The following UBE3B variants were observed in gnomAD, a reference collection of about 807,000 sequenced individuals.
UBE3B encodes the protein ubiquitin-protein ligase E3B.
UBE3B carries 80 observed loss-of-function variants against 132.3 expected under a neutral mutation model. The ratio of observed to expected loss-of-function variants is 0.60; its 90% CI spans 0.50 to 0.73. The LOEUF (loss-of-function observed/expected upper bound fraction) is 0.73, where lower values mean the gene tolerates loss of function less well. UBE3B is among the 30% of genes least tolerant of loss of function. The pLI is 0.00. For synonymous variants in UBE3B, 487 were observed against 520.4 expected, an observed-to-expected ratio of 0.94 and a Z score of 0.87; for missense variants, 1,196 against 1,362.5, an observed-to-expected ratio of 0.88 and a Z score of 1.92.
chr12:109,528,975 C>T (rs1168317975), intron 24 of UBE3B, among the ~76,000 whole-genome samples: 1 of 152,068 alleles, frequency 6.6e-6, no homozygotes, highest in Non-Finnish European at 1.5e-5. Context: ...ACTGGTCCAA[C>T]ATGGTGAACC....
intron 8 of UBE3B, chr12:109,490,356 C>G: frequency 6.8e-7 from 1 of 1,470,650 alleles, no homozygotes; most frequent in East Asian, 2.5e-5. Flanking sequence ...TCAAACAGCC[C>G]TTTCCACTTT....
the UBE3B span, among the ~76,000 whole-genome samples, chr12:109,547,482 T>C: frequency 1.3e-5 from 2 of 152,256 alleles, no homozygotes; most frequent in South Asian, 4.1e-4. This position sits in a 1 kb window ranked among gnomAD's most constrained non-coding sequence, Gnocchi z 4.1. Context: ...CGCACACGCA[T>C]GCATGCATGC....
chr12:109,521,183 C>T lies in UBE3B; in HGVS notation c.2112C>T (p.His704=), dbSNP rs780883830. The T allele has an allele frequency of 3.6e-5, 58 of 1,614,078 alleles. No homozygotes were observed. Among genetic ancestry groups the T allele is most frequent in the Non-Finnish European group, 4.9e-5 (58 of 1,180,034 alleles). The change falls in exon 20 of 28, where the codon CAC becomes CAT. Residue 704 remains histidine, a synonymous_variant. Coordinates refer to ENST00000342494, the MANE Select transcript of UBE3B (RefSeq NM_130466.4). The surrounding 1 kb of genome is among the most constrained non-coding windows in gnomAD (Gnocchi z 4.2). ...AGCAGCTTAGGCAGCTCTCCCAGCACGCCATGAAGGGGGTCATCCGTGTGA... is the reference window on the plus strand; with the variant it reads ...AGCAGCTTAGGCAGCTCTCCCAGCATGCCATGAAGGGGGTCATCCGTGTGA... ...GYEQLRQLSQ[H]AMKGVIRVKF...
chr12:109,531,326 C>A (rs1882917795), intron 26 of UBE3B, among the ~76,000 whole-genome samples: 1 of 152,180 alleles, frequency 6.6e-6, no homozygotes, highest in African/African-American at 2.4e-5. Context: ...CTGACATCAG[C>A]AGTGTGTAAG....
intron 26 of UBE3B, 124 bp downstream of exon 26, chr12:109,530,782 C>T: frequency 1.1e-6 from 1 of 950,050 alleles, no homozygotes; most frequent in East Asian, 2.7e-5. Context: ...TCAGCACATC[C>T]TCTCCCACAG....
chr12:109,528,524 C>G (rs1478001348), intron 24 of UBE3B: 1 of 983,168 alleles, frequency 1.0e-6, no homozygotes, highest in African/African-American at 1.7e-5. Context: ...TGGTGAGAGT[C>G]ATACGTGGGC....
At chr12:109,517,541 T>G (rs765961470) in intron 19 of UBE3B, among the ~76,000 whole-genome samples, 1 of 152,190 alleles carries the variant, frequency 6.6e-6, no homozygotes, top group Non-Finnish European at 1.5e-5. Context: ...AACATGGTTG[T>G]CATAAACTTA....
chr12:109,490,884 T>A, intron 8 of UBE3B, 161 bp from the exon 9 acceptor site: 1 of 1,055,660 alleles, frequency 9.5e-7, no homozygotes, highest in Non-Finnish European at 1.3e-6. Context: ...GGAATCTTCC[T>A]GCCTCAGCCT....
intron 24 of UBE3B, among the ~76,000 whole-genome samples, chr12:109,527,527 C>T (rs1448236802): frequency 3.3e-5 from 5 of 152,216 alleles, no homozygotes; most frequent in East Asian, 1.9e-4. Flanking sequence ...ATGTTCCTCT[C>T]GGATCAGGTG....
chr12:109,543,098 A>G, the UBE3B span, among the ~76,000 whole-genome samples: 1 of 152,216 alleles, frequency 6.6e-6, no homozygotes, highest in Non-Finnish European at 1.5e-5. Context: ...ACAAATTCCA[A>G]TGTCTGTGAA....
At chr12:109,485,330 G>A (rs930107840) in intron 4 of UBE3B, among the ~76,000 whole-genome samples, 1 of 152,222 alleles carries the variant, frequency 6.6e-6, no homozygotes, top group African/African-American at 2.4e-5. Flanking sequence ...GGACGGGCAA[G>A]ATCTCTACGC....
intron 1 of UBE3B, among the ~76,000 whole-genome samples, chr12:109,479,322 A>G (rs933183859): frequency 6.6e-6 from 1 of 152,246 alleles, no homozygotes; most frequent in Admixed American, 6.5e-5. Context: ...ATATTTTCCC[A>G]TTTAATCCTA....
chr12:109,497,674 G>C (rs1297679934), intron 9 of UBE3B, 144 bp from the exon 10 acceptor site: 8 of 776,266 alleles, frequency 1.0e-5, no homozygotes, highest in Non-Finnish European at 1.7e-5. Context: ...TTTCCCCAGT[G>C]TATGTCCCCA....
Position 109,532,189 on chromosome 12 carries a change from C to T in UBE3B, c.2923-1277C>T, listed in dbSNP as rs894152195. 2.0e-5 allele frequency among the ~76,000 whole-genome samples: 3 copies of T among 152,328 alleles called. No homozygotes were observed. The South Asian group carries it at 6.2e-4, about 32-fold the overall frequency. ...CGGCCTAAATTGGGATGCACAGATA[C>T]TTCTGTGTCTGTCCCCTTATTCTTA... On this transcript the variant is annotated intron_variant, in intron 26 of 27. Transcript: ENST00000342494.
intron 9 of UBE3B, among the ~76,000 whole-genome samples, chr12:109,492,987 A>G (rs1015532690): frequency 6.6e-6 from 1 of 152,238 alleles, no homozygotes; most frequent in Non-Finnish European, 1.5e-5. Context: ...AGTGGCTACC[A>G]TATTAGACCA....
In UBE3B at chr12:109,521,090, C is replaced by A; in HGVS notation, c.2077-58C>A. Reference sequence around the variant, plus strand: ...GCTTCGCACAGAGGAGAGGGAACCCCGAATTGTGTGCATAAGGCTTTGGGC... The same window carrying A: ...GCTTCGCACAGAGGAGAGGGAACCCAGAATTGTGTGCATAAGGCTTTGGGC... On this transcript the variant is annotated intron_variant, in intron 19 of 27. Transcript: ENST00000342494. The surrounding 1 kb of genome is among the most constrained non-coding windows in gnomAD (Gnocchi z 4.2). 3 of 1,588,642 alleles carry A rather than the reference C, an allele frequency of 1.9e-6. No homozygotes were observed. The highest frequency in any genetic ancestry group is 1.7e-6 in the Non-Finnish European group (2 of 1,162,372).
intron 23 of UBE3B, among the ~76,000 whole-genome samples, 181 bp from the exon 24 acceptor site, chr12:109,526,177 A>G (rs779435030): frequency 3.4e-4 from 52 of 152,212 alleles, no homozygotes; most frequent in Non-Finnish European, 6.8e-4. Context: ...TGTATTGATC[A>G]TGCAGGGTCT....
chr12:109,480,515 G>A (rs1223436121), intron 1 of UBE3B, among the ~76,000 whole-genome samples: 2 of 152,110 alleles, frequency 1.3e-5, no homozygotes, highest in Non-Finnish European at 2.9e-5. Context: ...GCCAGATGTG[G>A]TGGTATGTAC....
In UBE3B at chr12:109,521,414, G is replaced by T; in HGVS notation, c.2254-27G>T. 2.5e-6 allele frequency: 4 copies of T among 1,583,470 alleles called. No homozygotes were observed. Among genetic ancestry groups the T allele is most frequent in the Non-Finnish European group, 3.5e-6 (4 of 1,158,858 alleles). The stretch of plus-strand genomic sequence containing the variant: ...GCTCCTTGCAAGGCACTTGACCTCT[G>T]CCTCTCCCCGTCTTTTTGCCTTGCA... On this transcript the variant is annotated intron_variant, in intron 20 of 27. Coordinates refer to ENST00000342494, the MANE Select transcript of UBE3B (RefSeq NM_130466.4). This position sits in a 1 kb window ranked among gnomAD's most constrained non-coding sequence, Gnocchi z 4.2.
Sources: allele counts gnomAD v4.1 joint callset (sites outside exome capture counted in the v4.1 genomes callset), GRCh38; gene constraint gnomAD v4.1.1; non-coding constraint Gnocchi (gnomAD v3.1); transcripts MANE v1.5; gene names NCBI Gene and HGNC (gene_info 2026-07-23, HGNC 2026-07-21).